Variants in MAP4K4 observed in about 807,000 individuals in gnomAD.
MAP4K4 encodes HPK/GCK-like kinase HGK.
A neutral mutation model predicts 189.6 loss-of-function variants in MAP4K4; 38 were observed. The observed-to-expected ratio is 0.20, with a 90% CI of 0.15 to 0.26. The LOEUF is 0.26. Among genes scored for constraint, MAP4K4 ranks in the 10% least tolerant of loss-of-function variants. The probability of loss-of-function intolerance (pLI) is 1.00; values close to 1 mark genes in which losing one functional copy is unlikely to be tolerated. For synonymous variants in MAP4K4, 610 were observed against 624.3 expected, an observed-to-expected ratio of 0.98 and a Z score of 0.34; for missense variants, 1,054 against 1,726.9, an observed-to-expected ratio of 0.61 and a Z score of 6.91.
rs994278738 is a variant in MAP4K4 at position 101,866,425 on chromosome 2, C to T, written c.2205-3C>T. 5 of 1,606,760 alleles carry T rather than the reference C, an allele frequency of 3.1e-6. No individual in the cohort carries two copies. The highest frequency in any genetic ancestry group is 1.3e-5 in the African/African-American group (1 of 74,748). ...GCTGTTCTCTCTTCTTCTTTTCTAA[C>T]AGCAGTATTGAGCCCAGGCTTCTGT... is the stretch of plus-strand genomic sequence containing the variant. On this transcript the variant is annotated splice_region_variant and splice_polypyrimidine_tract_variant and intron_variant, in intron 18 of 32. Transcript: ENST00000324219.
At chr2:101,784,892 C>G (rs531177774) in intron 2 of MAP4K4, among the ~76,000 whole-genome samples, 1 of 152,248 alleles carries the variant, frequency 6.6e-6, no homozygotes, top group East Asian at 1.9e-4. Flanking sequence ...CTAGCCCCCT[C>G]TGAGCTTTAG....
chr2:101,815,812 G>T (rs1402796276), intron 3 of MAP4K4, among the ~76,000 whole-genome samples: 1 of 152,148 alleles, frequency 6.6e-6, no homozygotes, highest in Non-Finnish European at 1.5e-5. Context: ...CTAGCCAACG[G>T]CAGGAGGCAC....
At chr2:101,762,090 G>T (rs1395977429) in intron 2 of MAP4K4, among the ~76,000 whole-genome samples, 1 of 152,154 alleles carries the variant, frequency 6.6e-6, no homozygotes, top group Non-Finnish European at 1.5e-5. Flanking sequence ...TCCAAGTAGG[G>T]TTGTTTTCAG....
chr2:101,716,813 G>A (rs1219577251), intron 2 of MAP4K4, among the ~76,000 whole-genome samples: 1 of 152,088 alleles, frequency 6.6e-6, no homozygotes, highest in Admixed American at 6.6e-5. Context: ...TGGGTTGGCC[G>A]ACTTTTTAAG....
chr2:101,734,115 C>T (rs1371287751), intron 2 of MAP4K4, among the ~76,000 whole-genome samples: 3 of 152,102 alleles, frequency 2.0e-5, no homozygotes, highest in Admixed American at 2.0e-4. Context: ...GAAAATAAAT[C>T]CCATGAGTGA....
intron 31 of MAP4K4, among the ~76,000 whole-genome samples, chr2:101,888,576 G>A (rs992682646): frequency 6.6e-6 from 1 of 152,146 alleles, no homozygotes; most frequent in Admixed American, 6.5e-5. Context: ...TAAGGAAAAT[G>A]AAATAGATCA....
chr2:101,835,368 C>T (rs975364335), intron 8 of MAP4K4, among the ~76,000 whole-genome samples: 1 of 152,206 alleles, frequency 6.6e-6, no homozygotes, highest in African/African-American at 2.4e-5. Context: ...GTGCCTAACA[C>T]ACCTTTATTG....
At chr2:101,875,618 C>G (rs2098179392) in intron 26 of MAP4K4, among the ~76,000 whole-genome samples, 1 of 151,640 alleles carries the variant, frequency 6.6e-6, no homozygotes, top group South Asian at 2.1e-4. Context: ...CGCCTCACTC[C>G]CTCTACACAA....
At chr2:101,750,564 G>A (rs2068323316) in intron 2 of MAP4K4, among the ~76,000 whole-genome samples, 1 of 150,638 alleles carries the variant, frequency 6.6e-6, no homozygotes, top group Non-Finnish European at 1.5e-5. Context: ...AATGCTAGAT[G>A]ACGAGTTAGT....
intron 2 of MAP4K4, among the ~76,000 whole-genome samples, chr2:101,715,541 G>T (rs562693269): frequency 6.6e-6 from 1 of 151,956 alleles, no homozygotes. Context: ...GATTTTTTTG[G>T]ATTTTGGAAT....
At chr2:101,861,019 G>C in intron 16 of MAP4K4, 33 bp downstream of exon 16, 2 of 1,561,724 alleles carry the variant, frequency 1.3e-6, no homozygotes, top group Non-Finnish European at 1.7e-6. Context: ...TGGTTGAGGA[G>C]ACTCATGCAA....
intron 2 of MAP4K4, among the ~76,000 whole-genome samples, chr2:101,772,840 TATGG>T (rs1301562700): frequency 6.6e-6 from 1 of 152,194 alleles, no homozygotes; most frequent in Non-Finnish European, 1.5e-5. Context: ...CACTCCTTGA[TATGG>T]GTACAGATGA....
intron 15 of MAP4K4, 87 bp downstream of exon 15, chr2:101,859,951 G>C (rs1313098153): frequency 7.7e-7 from 1 of 1,305,184 alleles, no homozygotes; most frequent in Non-Finnish European, 1.1e-6. Context: ...TTCTAGAACG[G>C]GCCATAGAGT....
chr2:101,770,523 C>G (rs1443461339), intron 2 of MAP4K4, among the ~76,000 whole-genome samples: 1 of 152,180 alleles, frequency 6.6e-6, no homozygotes, highest in Admixed American at 6.5e-5. Flanking sequence ...GTGATCCACC[C>G]ACATCGGCCT....
intron 2 of MAP4K4, among the ~76,000 whole-genome samples, chr2:101,766,957 G>T (rs1348279195): frequency 6.6e-6 from 1 of 152,204 alleles, no homozygotes; most frequent in Non-Finnish European, 1.5e-5. Context: ...CCTGGTTACA[G>T]AATTTTCTGG....
In MAP4K4 at chr2:101,887,710, C is replaced by G. The variant is rs192424222; in HGVS notation, c.3772-68C>G. ...ACCAGTGCATTCACTAAGAGTCTTA[C>G]TGAGCACTTGCACAGGGCTGGAAAT... On this transcript the variant is annotated intron_variant, in intron 30 of 32. Coordinates refer to ENST00000324219, the Ensembl canonical transcript of MAP4K4. The G allele has an allele frequency of 2.4e-6, 3 of 1,250,784 alleles. No homozygotes were observed. The East Asian group carries it at 7.1e-5, about 30-fold the overall frequency. 77.5% of individuals were successfully genotyped at this position (1,250,784 alleles called of 1,614,324 possible). A position where few individuals can be genotyped will look rare whatever the true frequency, so the allele number is the denominator to read the frequency against.
At chr2:101,796,718 A>G (rs574054688) in intron 3 of MAP4K4, among the ~76,000 whole-genome samples, 1 of 152,256 alleles carries the variant, frequency 6.6e-6, no homozygotes, top group Admixed American at 6.5e-5. Flanking sequence ...GTGAATGGTA[A>G]TTCTGTCATA....
At chr2:101,859,954 C>CAT in intron 15 of MAP4K4, 90 bp downstream of exon 15, 1 of 1,282,652 alleles carries the variant, frequency 7.8e-7, no homozygotes, top group Non-Finnish European at 1.1e-6. Context: ...TAGAACGGGC[C>CAT]ATAGAGTTTA....
chr2:101,818,313 T>A (rs2095842274), intron 3 of MAP4K4, among the ~76,000 whole-genome samples: 1 of 152,210 alleles, frequency 6.6e-6, no homozygotes, highest in Non-Finnish European at 1.5e-5. Flanking sequence ...TATTTGTATA[T>A]CTCATTTTAT....
Sources: gnomAD v4.1 joint callset for allele counts (sites outside exome capture counted in the v4.1 genomes callset) on GRCh38, gnomAD v4.1.1 for gene constraint, MANE v1.5 for transcripts, NCBI Gene and HGNC (gene_info 2026-07-23, HGNC 2026-07-21) for gene names.